Variants in PRIM2 observed in about 807,000 individuals in gnomAD.
PRIM2 encodes DNA primase subunit 2, also known as DNA primase large subunit.
PRIM2 carries 39 observed loss-of-function variants against 67.3 expected under a neutral mutation model. That is an observed-to-expected ratio of 0.58 (90% CI 0.45 to 0.76). The LOEUF (loss-of-function observed/expected upper bound fraction) is 0.76, where lower values mean the gene tolerates loss of function less well. PRIM2 is among the 30% of genes least tolerant of loss of function. The pLI, the probability that PRIM2 is intolerant of heterozygous loss-of-function variation, is 0.00. For missense variants in PRIM2, 398 were observed against 598.7 expected, an observed-to-expected ratio of 0.66 and a Z score of 3.50; for synonymous variants, 143 against 198.7, an observed-to-expected ratio of 0.72 and a Z score of 2.36.
At chr6:57,482,909 A>AT (rs1419315957) in intron 7 of PRIM2, among the ~76,000 whole-genome samples, 11 of 151,626 alleles carry the variant, frequency 7.3e-5, no homozygotes, top group African/African-American at 1.9e-4. Flanking sequence ...AGGAAAGTAG[A>AT]TTTTTTTTTG....
At chr6:57,351,579 A>G (rs1014844882) in intron 5 of PRIM2, among the ~76,000 whole-genome samples, 1 of 152,166 alleles carries the variant, frequency 6.6e-6, no homozygotes, top group Admixed American at 6.5e-5. Context: ...TGTGCAGTGA[A>G]GATGACTCCA....
chr6:57,528,909 TTC>T (rs1774823533), intron 8 of PRIM2, among the ~76,000 whole-genome samples: 1 of 152,226 alleles, frequency 6.6e-6, no homozygotes, highest in African/African-American at 2.4e-5. Context: ...TCCCCAGTAT[TTC>T]TGTTAATTAG....
chr6:57,412,587 C>G (rs1256728845), intron 7 of PRIM2, among the ~76,000 whole-genome samples: 1 of 151,946 alleles, frequency 6.6e-6, no homozygotes, highest in Non-Finnish European at 1.5e-5. Context: ...TGGTTCAACT[C>G]TTCAATTATT....
At chr6:57,383,589 A>C (rs2127339549) in intron 7 of PRIM2, 1 of 151,924 alleles carries the variant, frequency 6.6e-6, no homozygotes, top group African/African-American at 2.4e-5. Context: ...AAAAAAAAAA[A>C]AAAAGGCATG....
intron 7 of PRIM2, among the ~76,000 whole-genome samples, chr6:57,469,099 C>A (rs1264573773): frequency 3.9e-5 from 6 of 152,116 alleles, no homozygotes; most frequent in Non-Finnish European, 8.8e-5. Flanking sequence ...TTATCATCAC[C>A]GTTGTGATTA....
At chr6:57,427,644 CAT>C (rs1428467998) in intron 7 of PRIM2, among the ~76,000 whole-genome samples, 2 of 152,176 alleles carry the variant, frequency 1.3e-5, no homozygotes, top group African/African-American at 4.8e-5. Context: ...AACAGCATCA[CAT>C]AGCAAATTTT....
At chr6:57,423,933 C>T (rs188748113) in intron 7 of PRIM2, among the ~76,000 whole-genome samples, 4 of 152,284 alleles carry the variant, frequency 2.6e-5, no homozygotes, top group East Asian at 3.9e-4. Context: ...TGTGCCTGCA[C>T]AGGAGTGCAG....
At chr6:57,325,166 G>A (rs746171267) in intron 4 of PRIM2, among the ~76,000 whole-genome samples, 19 of 152,104 alleles carry the variant, frequency 1.2e-4, no homozygotes, top group Non-Finnish European at 1.9e-4. Flanking sequence ...CATAAGCAAA[G>A]TTTCCTTTGC....
intron 10 of PRIM2, 27 bp downstream of exon 10, chr6:57,537,652 G>T: frequency 1.5e-6 from 2 of 1,306,358 alleles, no homozygotes; most frequent in Non-Finnish European, 1.0e-6. Context: ...ATATCAGAGT[G>T]GTACCTGATA....
At chr6:57,489,334 A>G (rs1773826964) in intron 7 of PRIM2, among the ~76,000 whole-genome samples, 1 of 152,234 alleles carries the variant, frequency 6.6e-6, no homozygotes, top group South Asian at 2.1e-4. Flanking sequence ...GCGCAGGCAG[A>G]TCATGAGGTC....
At chr6:57,609,536 A>C (rs1217942099) in intron 12 of PRIM2, among the ~76,000 whole-genome samples, 1 of 152,210 alleles carries the variant, frequency 6.6e-6, no homozygotes, top group Non-Finnish European at 1.5e-5. Flanking sequence ...TTAATATACT[A>C]ACATTATCTC....
intron 8 of PRIM2, among the ~76,000 whole-genome samples, chr6:57,531,893 CAG>C (rs1488371753): frequency 3.3e-5 from 5 of 152,058 alleles, no homozygotes; most frequent in African/African-American, 1.2e-4. Context: ...TTTTAATAAA[CAG>C]TGATTGCTTT....
chr6:57,447,860 T>C (rs1772415265), intron 7 of PRIM2, among the ~76,000 whole-genome samples: 1 of 152,224 alleles, frequency 6.6e-6, no homozygotes, highest in Non-Finnish European at 1.5e-5. Context: ...CATGTATGTA[T>C]GCTTTGATAA....
intron 7 of PRIM2, among the ~76,000 whole-genome samples, chr6:57,409,417 G>A (rs376507818): frequency 1.3e-5 from 2 of 152,016 alleles, no homozygotes; most frequent in South Asian, 2.1e-4. Flanking sequence ...CCTCGTGATC[G>A]CCCTCCTTGG....
At chr6:57,516,772 AC>A (rs1261510814) in intron 8 of PRIM2, among the ~76,000 whole-genome samples, 8 of 152,016 alleles carry the variant, frequency 5.3e-5, no homozygotes, top group Non-Finnish European at 8.8e-5. Flanking sequence ...TATTAAAGGA[AC>A]TCTTACTGGT....
chr6:57,446,418 C>CTTCTTTTTTTTTTTTT (rs1772366659), intron 7 of PRIM2, among the ~76,000 whole-genome samples: 1 of 83,814 alleles, frequency 1.2e-5, no homozygotes, highest in Non-Finnish European at 2.3e-5. Context: ...CACGCCACTT[C>CTTCTTTTTTTTTTTTT]TTTTTTTTTT....
chr6:57,536,182 G>A (rs1164343194), intron 9 of PRIM2, among the ~76,000 whole-genome samples: 1 of 152,202 alleles, frequency 6.6e-6, no homozygotes, highest in Non-Finnish European at 1.5e-5. Context: ...GCAAAGTCAA[G>A]CAAAGTGAGA....
At chr6:57,341,997 C>T (rs1324735999) in intron 5 of PRIM2, among the ~76,000 whole-genome samples, 1 of 152,168 alleles carries the variant, frequency 6.6e-6, no homozygotes, top group African/African-American at 2.4e-5. Context: ...TGTTGATCTA[C>T]TTCTGTAAAA....
chr6:57,579,135 T>G (rs1164431903), intron 10 of PRIM2, among the ~76,000 whole-genome samples: 4 of 150,616 alleles, frequency 2.7e-5, no homozygotes, highest in African/African-American at 9.7e-5. Context: ...CTAACATACG[T>G]TTTTTCTAAT....
Sources: allele counts gnomAD v4.1 joint callset (sites outside exome capture counted in the v4.1 genomes callset), GRCh38; gene constraint gnomAD v4.1.1; transcripts MANE v1.5; gene names NCBI Gene and HGNC (gene_info 2026-07-23, HGNC 2026-07-21).